Variants in VGLL3 observed in about 807,000 individuals in gnomAD.
VGLL3 encodes vestigial like family member 3.
VGLL3 carries 18 observed loss-of-function variants against 29.2 expected under a neutral mutation model. The observed-to-expected ratio is 0.62, with a 90% CI of 0.43 to 0.91. VGLL3 has a LOEUF of 0.91. VGLL3 is among the 40% of genes least tolerant of loss of function. VGLL3 has a pLI of 0.00. For missense variants in VGLL3, 440 were observed against 413.2 expected (o/e 1.06, Z -0.56); for synonymous variants, 180 against 151.8 (o/e 1.19, Z -1.36).
chr3:86,961,449 G>C (rs896817342), intron 3 of VGLL3, among the ~76,000 whole-genome samples: 2 of 152,070 alleles, frequency 1.3e-5, no homozygotes, highest in Non-Finnish European at 2.9e-5. Flanking sequence ...TAAAATGCCC[G>C]GAATGATTAT....
At position 86,980,060 on chromosome 3, in the gene VGLL3, T is replaced by G. The variant is rs571774185; in HGVS notation, c.127-1258A>C. Among the ~76,000 whole-genome samples the G allele has an allele frequency of 7.9e-5, 12 of 152,188 alleles. No individual in the cohort carries two copies. The East Asian group carries it at 2.3e-3, about 29-fold the overall frequency. On this transcript the variant is annotated intron_variant, in intron 1 of 3. Transcript: ENST00000398399. ...ATAATGCTAAAGATATGAAATGTAT[T>G]ATTCTAGTGACGAAATGAGCTTTCT... is the stretch of plus-strand genomic sequence containing the variant.
At chr3:86,976,186 T>C (rs895385048) in intron 2 of VGLL3, among the ~76,000 whole-genome samples, 10 of 152,198 alleles carry the variant, frequency 6.6e-5, no homozygotes, top group Non-Finnish European at 2.9e-5. Flanking sequence ...CACCAGCATC[T>C]TTGCTTCTCA....
intron 3 of VGLL3, among the ~76,000 whole-genome samples, chr3:86,950,121 AAT>A (rs1704587835): frequency 6.6e-6 from 1 of 152,176 alleles, no homozygotes; most frequent in Admixed American, 6.5e-5. Flanking sequence ...ACCTACTTGA[AAT>A]TAATTCATAA....
chr3:86,980,241 C>G (rs1371512977), intron 1 of VGLL3, among the ~76,000 whole-genome samples: 1 of 151,686 alleles, frequency 6.6e-6, no homozygotes, highest in Non-Finnish European at 1.5e-5. Flanking sequence ...AAATACATAC[C>G]CCAGACTCTA....
At chr3:86,976,691 C>A (rs1298163224) in intron 2 of VGLL3, among the ~76,000 whole-genome samples, 1 of 152,164 alleles carries the variant, frequency 6.6e-6, no homozygotes, top group Non-Finnish European at 1.5e-5. Context: ...GGTTTCTGCA[C>A]ATTCACAACA....
intron 3 of VGLL3, among the ~76,000 whole-genome samples, chr3:86,956,322 A>G (rs1341251380): frequency 3.3e-5 from 5 of 152,188 alleles, no homozygotes; most frequent in Admixed American, 3.3e-4. Flanking sequence ...TATCAGGACA[A>G]CCTGCGAGTT....
At chr3:86,957,591 A>G (rs1037160403) in intron 3 of VGLL3, among the ~76,000 whole-genome samples, 3 of 152,278 alleles carry the variant, frequency 2.0e-5, no homozygotes, top group African/African-American at 7.2e-5. Context: ...GAGGGGTTAC[A>G]GGCTTACTCA....
At chr3:86,990,359 TGCCTA>T in intron 1 of VGLL3, 2 of 985,268 alleles carry the variant, frequency 2.0e-6, no homozygotes, top group Non-Finnish European at 2.4e-6. Flanking sequence ...AGAGCTAGGG[TGCCTA>T]GGAGGAGCAG....
In VGLL3 at chr3:86,962,596, A is replaced by G. The variant is rs924938261; in HGVS notation, c.937+5994T>C. ...AATTTAAATATTTTAAAAATTGCAT[A>G]TATATGCTCTTTGAAAAAAATTCAA... On this transcript the variant is annotated intron_variant, in intron 3 of 3. Coordinates refer to ENST00000398399, the MANE Select transcript of VGLL3 (RefSeq NM_016206.4). The G allele has an allele frequency of 1.0e-5, 10 of 958,742 alleles. No homozygotes were observed. The South Asian group carries it at 4.8e-4, about 46-fold the overall frequency. The allele number at this position is 958,742 out of a possible 1,614,324, so 59.4% of individuals were successfully genotyped here. A position where few individuals can be genotyped will look rare whatever the true frequency, so the allele number is the denominator to read the frequency against.
intron 3 of VGLL3, among the ~76,000 whole-genome samples, chr3:86,949,876 CA>C (rs1204383675): frequency 6.7e-6 from 1 of 150,356 alleles, no homozygotes; most frequent in African/African-American, 2.4e-5. Context: ...AGCAGGGCTA[CA>C]ATTTTTTCTT....
chr3:86,968,596 C>A lies in VGLL3; in HGVS notation c.931G>T (p.Asp311Tyr). ...AAGAAATCCAGCAGCTTACCTGTATCGAATCCCACGCTGGGCACTATGTCT... is the reference window on the plus strand; with the variant it reads ...AAGAAATCCAGCAGCTTACCTGTATAGAATCCCACGCTGGGCACTATGTCT... ...TVDIVPSVGF[D>Y]TGLQHQDKSK... Residue 311 changes from aspartate (D) to tyrosine (Y), a missense_variant, in exon 3 of 4, where the codon GAT becomes TAT. Coordinates refer to ENST00000398399, the MANE Select transcript of VGLL3 (RefSeq NM_016206.4). 6.2e-7 allele frequency: 1 copy of A among 1,611,986 alleles called. No individual in the cohort carries two copies. Among genetic ancestry groups the A allele is most frequent in the Non-Finnish European group, 8.5e-7 (1 of 1,178,760 alleles).
chr3:86,985,083 G>T (rs1378568922), intron 1 of VGLL3, among the ~76,000 whole-genome samples: 1 of 152,076 alleles, frequency 6.6e-6, no homozygotes, highest in Admixed American at 6.5e-5. Context: ...TTCCTCTTTT[G>T]AAAACAAGAA....
Position 86,945,462 on chromosome 3 carries a change from A to G in VGLL3, c.*1562T>C, listed in dbSNP as rs1704488270. The G allele has an allele frequency of 6.6e-6, 1 of 152,122 alleles. No individual in the cohort carries two copies. Among genetic ancestry groups the G allele is most frequent in the South Asian group, 2.1e-4 (1 of 4,826 alleles). The allele number at this position is 152,122 out of a possible 1,614,324, so 9.4% of individuals were successfully genotyped here. On this transcript the variant is annotated 3_prime_UTR_variant, in exon 4 of 4. Coordinates refer to ENST00000398399, the MANE Select transcript of VGLL3 (RefSeq NM_016206.4). ...TTTGAAAAAACCTCTTTATAAAGCT[A>G]AAAAACTTCTCTAATACACTAACTT...
chr3:86,973,072 A>AACAC (rs370812575), intron 2 of VGLL3, among the ~76,000 whole-genome samples: 8 of 148,002 alleles, frequency 5.4e-5, no homozygotes, highest in African/African-American at 1.8e-4. Context: ...TCTTAAAAAA[A>AACAC]ACACACACAC....
chr3:86,962,197 A>T, intron 3 of VGLL3: 2 of 985,396 alleles, frequency 2.0e-6, no homozygotes, highest in Non-Finnish European at 2.4e-6. Context: ...AATACAAATG[A>T]CTTATGATCA....
At chr3:86,955,755 C>G (rs1295741030) in intron 3 of VGLL3, among the ~76,000 whole-genome samples, 1 of 152,014 alleles carries the variant, frequency 6.6e-6, no homozygotes, top group Non-Finnish European at 1.5e-5. Context: ...AGAGACTGTC[C>G]AATTCAAGTA....
intron 3 of VGLL3, among the ~76,000 whole-genome samples, chr3:86,963,220 T>C (rs1332502625): frequency 6.6e-6 from 1 of 152,324 alleles, no homozygotes; most frequent in African/African-American, 2.4e-5. Flanking sequence ...ATAAACAAAA[T>C]GTGGTATTAT....
intron 3 of VGLL3, chr3:86,962,421 T>TCAC: frequency 1.0e-6 from 1 of 985,394 alleles, no homozygotes; most frequent in Non-Finnish European, 1.2e-6. Flanking sequence ...CTCACTGTCC[T>TCAC]CACCACCACT....
At chr3:86,954,738 T>C (rs565009280) in intron 3 of VGLL3, among the ~76,000 whole-genome samples, 1 of 152,144 alleles carries the variant, frequency 6.6e-6, no homozygotes, top group Non-Finnish European at 1.5e-5. Context: ...ATTTAGACAC[T>C]GCTTACCAAT....
Sources: gnomAD v4.1 joint callset for allele counts (sites outside exome capture counted in the v4.1 genomes callset) on GRCh38, gnomAD v4.1.1 for gene constraint, MANE v1.5 for transcripts, NCBI Gene and HGNC (gene_info 2026-07-23, HGNC 2026-07-21) for gene names.